Variants in SLC39A3 observed in about 807,000 individuals in gnomAD.
SLC39A3 encodes zinc transporter ZIP3.
A neutral mutation model predicts 5.1 loss-of-function variants in SLC39A3; 3 were observed. The observed-to-expected ratio is 0.59, with a 90% confidence interval of 0.27 to 1.54. The LOEUF (loss-of-function observed/expected upper bound fraction) is 1.54. Ranked by LOEUF, SLC39A3 falls within the 40% of genes most tolerant of loss-of-function variation. SLC39A3 has a pLI of 0.12. For missense variants in SLC39A3, 412 were observed against 436.4 expected (o/e 0.94, Z 0.50); for synonymous variants, 250 against 218.8 (o/e 1.14, Z -1.26).
At position 2,734,610 on chromosome 19, in the gene SLC39A3, C is replaced by T. The variant is rs1173804519; in HGVS notation, c.211-1125G>A. On this transcript the variant is annotated intron_variant, in intron 2 of 2. Coordinates refer to ENST00000269740, the MANE Select transcript of SLC39A3 (RefSeq NM_144564.5). This position sits in a 1 kb window ranked among gnomAD's most constrained non-coding sequence, Gnocchi z 4.6. Reference sequence around the variant, plus strand: ...GCTGGATTGTTCTCTGGGACGGGGCCGTCCTGGGCACTGCAGGGTGCTGCT... The same window carrying T: ...GCTGGATTGTTCTCTGGGACGGGGCTGTCCTGGGCACTGCAGGGTGCTGCT... The T allele has an allele frequency of 1.1e-4, 44 of 387,260 alleles. No individual in the cohort carries two copies. Among genetic ancestry groups the T allele is most frequent in the East Asian group, 3.3e-4 (2 of 6,152 alleles). The allele number at this position is 387,260 out of a possible 1,614,324, so 24.0% of individuals were successfully genotyped here.
At chr19:2,738,199 CAA>C (rs781639261) in intron 1 of SLC39A3, among the ~76,000 whole-genome samples, 31 of 50,892 alleles carry the variant, frequency 6.1e-4, no homozygotes, top group African/African-American at 1.7e-3. Context: ...AACTCCATCT[CAA>C]AAAAAAAAAA....
Position 2,737,142 on chromosome 19 carries a change from C to A in SLC39A3, c.116G>T (p.Arg39Leu), listed in dbSNP as rs35127617. The A allele has an allele frequency of 3.1e-6, 5 of 1,614,138 alleles. No individual in the cohort carries two copies. In the East Asian group the frequency reaches 1.1e-4, roughly 36 times the overall value. Reference sequence around the variant, plus strand: ...GCAGAGAGAGAGGATCTTTTTCGAGCGATGGGCCTTCTCAAAATCTGTCTC... The same window carrying A: ...GCAGAGAGAGAGGATCTTTTTCGAGAGATGGGCCTTCTCAAAATCTGTCTC... ...IIETDFEKAH[R>L]SKKILSLCNT... is the part of the protein sequence containing the mutation. The change falls in exon 2 of 3, where the codon CGC becomes CTC. Residue 39 changes from arginine (R) to leucine (L), a missense_variant. Transcript: ENST00000269740.
In SLC39A3 at chr19:2,735,865, C is replaced by G; in HGVS notation, c.210+1183G>C. ...GCTCAGATGATTTAATCCCAGACAA[C>G]AGCCCTTCTCCTCCTTTCTGGACAC... On this transcript the variant is annotated intron_variant, in intron 2 of 2. Transcript: ENST00000269740. The surrounding 1 kb of genome is among the most constrained non-coding windows in gnomAD (Gnocchi z 5.7). 2.0e-6 allele frequency: 2 copies of G among 985,506 alleles called. No individual in the cohort carries two copies. Among genetic ancestry groups the G allele is most frequent in the Non-Finnish European group, 2.4e-6 (2 of 830,006 alleles). The allele number at this position is 985,506 out of a possible 1,614,324, so 61.0% of individuals were successfully genotyped here.
rs1234111287 is a variant in SLC39A3, at chr19:2,733,515, A to G, written c.211-30T>C. On this transcript the variant is annotated intron_variant, in intron 2 of 2. Coordinates refer to ENST00000269740, the MANE Select transcript of SLC39A3 (RefSeq NM_144564.5). This position sits in a 1 kb window ranked among gnomAD's most constrained non-coding sequence, Gnocchi z 6.1. ...AGCCGGGGACACCCGAGAGAGAGAG[A>G]GAGACCCACGCTCAGGGGTGGCGGC... is the stretch of plus-strand genomic sequence containing the variant. The G allele has an allele frequency of 6.9e-6, 11 of 1,584,820 alleles. No homozygotes were observed. The South Asian group carries it at 9.0e-5, about 13-fold the overall frequency.
In SLC39A3 at chr19:2,733,803, T is replaced by C. The variant is rs1914272475; in HGVS notation, c.211-318A>G. ...TAAAAATACAAAAATTAGCTGGGCATGGTGGCGAGCACCTGTAATCCCAGC... is the reference window on the plus strand; with the variant it reads ...TAAAAATACAAAAATTAGCTGGGCACGGTGGCGAGCACCTGTAATCCCAGC... On this transcript the variant is annotated intron_variant, in intron 2 of 2. Coordinates refer to ENST00000269740, the MANE Select transcript of SLC39A3 (RefSeq NM_144564.5). The surrounding 1 kb of genome is among the most constrained non-coding windows in gnomAD (Gnocchi z 6.1). Among the ~76,000 whole-genome samples, 1 of 152,102 alleles carries C rather than the reference T, an allele frequency of 6.6e-6. No individual in the cohort carries two copies. Among genetic ancestry groups the C allele is most frequent in the Admixed American group, 6.5e-5 (1 of 15,272 alleles).
rs1364958736 is a variant in SLC39A3, at chr19:2,734,438, ACACACGCG to A, written c.211-961_211-954del. 6.6e-6 allele frequency: 1 copy of A among 152,358 alleles called. No homozygotes were observed. The highest frequency in any genetic ancestry group is 1.5e-5 in the Non-Finnish European group (1 of 68,186). 9.4% of individuals were successfully genotyped at this position (152,358 alleles called of 1,614,324 possible). A position where few individuals can be genotyped will look rare whatever the true frequency, so the allele number is the denominator to read the frequency against. ...CGCATATGTGCACACACGCACGCACACACACGCGCACACGCAGGTGCACACACAAGCAC... is the reference window on the plus strand; with the variant it reads ...CGCATATGTGCACACACGCACGCACACACACGCAGGTGCACACACAAGCAC... On this transcript the variant is annotated intron_variant, in intron 2 of 2. Coordinates refer to ENST00000269740, the MANE Select transcript of SLC39A3 (RefSeq NM_144564.5). The surrounding 1 kb of genome is among the most constrained non-coding windows in gnomAD (Gnocchi z 4.6).
chr19:2,739,182 C>T (rs1358209508), intron 1 of SLC39A3, among the ~76,000 whole-genome samples: 3 of 151,924 alleles, frequency 2.0e-5, no homozygotes, highest in Non-Finnish European at 4.4e-5. Context: ...CTGTACCCGC[C>T]GGAAGGCCTG....
intron 1 of SLC39A3, 42 bp from the exon 2 acceptor site, chr19:2,737,421 TC>T: frequency 7.5e-7 from 1 of 1,336,916 alleles, no homozygotes. Flanking sequence ...CTTTCTTTTT[TC>T]TTTTTTTTTT....
Position 2,734,872 on chromosome 19 carries a change from C to T in SLC39A3, c.211-1387G>A, listed in dbSNP as rs886587259. 2.0e-6 allele frequency: 2 copies of T among 985,370 alleles called. No individual in the cohort carries two copies. The highest frequency in any genetic ancestry group is 4.7e-5 in the South Asian group (1 of 21,298). 61.0% of individuals were successfully genotyped at this position (985,370 alleles called of 1,614,324 possible). On this transcript the variant is annotated intron_variant, in intron 2 of 2. Transcript: ENST00000269740. The surrounding 1 kb of genome is among the most constrained non-coding windows in gnomAD (Gnocchi z 4.6). ...AAGCTCATGAGGAACTCTAGCTACTCCCAAGAGACAGACGTTGATCAGGAG... is the reference window on the plus strand; with the variant it reads ...AAGCTCATGAGGAACTCTAGCTACTTCCAAGAGACAGACGTTGATCAGGAG...
Position 2,737,393 on chromosome 19 carries a change from G to A in SLC39A3, c.-122-14C>T, listed in dbSNP as rs538644767. On this transcript the variant is annotated splice_polypyrimidine_tract_variant and intron_variant, in intron 1 of 2. Transcript: ENST00000269740. ...TCAGTCCAGCAACTGTGAACATCAG[G>A]GGCACTGCATTAGCTTTCTTTCTTT... 7 of 1,425,248 alleles carry A rather than the reference G, an allele frequency of 4.9e-6. No individual in the cohort carries two copies. Among genetic ancestry groups the A allele is most frequent in the Admixed American group, 2.8e-5 (1 of 35,696 alleles). The allele number at this position is 1,425,248 out of a possible 1,614,324, so 88.3% of individuals were successfully genotyped here.
In SLC39A3 at chr19:2,732,938, G is replaced by A. The variant is rs1914240712; in HGVS notation, c.758C>T (p.Ala253Val). ...GIGLGLGIESAQGVPGSVASV... is the reference protein window; with the variant it reads ...GIGLGLGIESVQGVPGSVASV... ...CGCCACGCTGCCCGGCACGCCCTGGGCGCTCTCAATGCCCAGGCCCAGGCC... is the reference window on the plus strand; with the variant it reads ...CGCCACGCTGCCCGGCACGCCCTGGACGCTCTCAATGCCCAGGCCCAGGCC... The change falls in exon 3 of 3, where the codon GCC becomes GTC. Residue 253 changes from alanine to valine, a missense_variant. Physicochemically the swap from Ala to Val is moderately conservative, Grantham distance 64. Coordinates refer to ENST00000269740, the MANE Select transcript of SLC39A3 (RefSeq NM_144564.5). 8 of 1,608,654 alleles carry A rather than the reference G, an allele frequency of 5.0e-6. No individual in the cohort carries two copies. The highest frequency in any genetic ancestry group is 1.3e-5 in the African/African-American group (1 of 74,664).
intron 1 of SLC39A3, among the ~76,000 whole-genome samples, chr19:2,738,086 C>T (rs756022365): frequency 6.6e-6 from 1 of 150,650 alleles, no homozygotes; most frequent in Non-Finnish European, 1.5e-5. Context: ...GTAATCCCAG[C>T]TACTCTGGAG....
At chr19:2,736,221 T>G (rs1914362577) in intron 2 of SLC39A3, 1 of 984,288 alleles carries the variant, frequency 1.0e-6, no homozygotes, top group Non-Finnish European at 1.2e-6. Flanking sequence ...AGCCCCTGCC[T>G]CTTGACAGCC....
chr19:2,738,495 G>C (rs1003262229), intron 1 of SLC39A3, among the ~76,000 whole-genome samples: 1 of 152,074 alleles, frequency 6.6e-6, no homozygotes, highest in African/African-American at 2.4e-5. Context: ...AAGCTTGCTC[G>C]TGCCTCAGGA....
intron 1 of SLC39A3, among the ~76,000 whole-genome samples, chr19:2,739,151 C>T (rs2144702406): frequency 6.7e-6 from 1 of 148,908 alleles, no homozygotes; most frequent in South Asian, 2.2e-4. Flanking sequence ...CCCTGGCTGA[C>T]TCCTGCCCTA....
chr19:2,736,159 G>C lies in SLC39A3; in HGVS notation c.210+889C>G, dbSNP rs546660785. The C allele has an allele frequency of 4.1e-6, 4 of 985,670 alleles. No individual in the cohort carries two copies. In the East Asian group the frequency reaches 4.5e-4, roughly 112 times the overall value. The allele number at this position is 985,670 out of a possible 1,614,324, so 61.1% of individuals were successfully genotyped here. A position where few individuals can be genotyped will look rare whatever the true frequency, so the allele number is the denominator to read the frequency against. On this transcript the variant is annotated intron_variant, in intron 2 of 2. Transcript: ENST00000269740. Reference sequence around the variant, plus strand: ...GGGGAGCTCAAGGAACAGGTCAGCAGAGGATGATGCTGTCAGGAGTTGGGG... The same window carrying C: ...GGGGAGCTCAAGGAACAGGTCAGCACAGGATGATGCTGTCAGGAGTTGGGG...
rs1373062308 is a variant in SLC39A3, at chr19:2,732,736, C to A, written c.*15G>T. ...TCCCGGCGGGCTCCGGCGGCAGGGA[C>A]AATGGCGAGGCCGCTCACCACTTGA... is the stretch of plus-strand genomic sequence containing the variant. On this transcript the variant is annotated 3_prime_UTR_variant, in exon 3 of 3. Coordinates refer to ENST00000269740, the MANE Select transcript of SLC39A3 (RefSeq NM_144564.5). 2.6e-6 allele frequency: 4 copies of A among 1,530,248 alleles called. No homozygotes were observed. Among genetic ancestry groups the A allele is most frequent in the Non-Finnish European group, 3.5e-6 (4 of 1,138,992 alleles). The allele number at this position is 1,530,248 out of a possible 1,614,324, so 94.8% of individuals were successfully genotyped here.
In SLC39A3 at chr19:2,734,784, G is replaced by C; in HGVS notation, c.211-1299C>G. The C allele has an allele frequency of 1.0e-6, 1 of 985,512 alleles. No individual in the cohort carries two copies. Among genetic ancestry groups the C allele is most frequent in the Non-Finnish European group, 1.2e-6 (1 of 829,964 alleles). 61.0% of individuals were successfully genotyped at this position (985,512 alleles called of 1,614,324 possible). ...CAGCAGAAGGCTGTGTTTCCACGGA[G>C]AAGCCACTTAACTCCCTCACTGACC... On this transcript the variant is annotated intron_variant, in intron 2 of 2. Transcript: ENST00000269740. The surrounding 1 kb of genome is among the most constrained non-coding windows in gnomAD (Gnocchi z 4.6).
At chr19:2,739,113 A>G (rs1333105784) in intron 1 of SLC39A3, among the ~76,000 whole-genome samples, 1 of 149,566 alleles carries the variant, frequency 6.7e-6, no homozygotes, top group African/African-American at 2.5e-5. Context: ...AAAAAAAAAA[A>G]AAAAAAAAAA....
Sources: allele counts gnomAD v4.1 joint callset (sites outside exome capture counted in the v4.1 genomes callset), GRCh38; gene constraint gnomAD v4.1.1; non-coding constraint Gnocchi (gnomAD v3.1); transcripts MANE v1.5; gene names NCBI Gene and HGNC (gene_info 2026-07-23, HGNC 2026-07-21).